Variants in CMIP observed in about 807,000 individuals in gnomAD.
CMIP encodes C-Maf-inducing protein.
In CMIP, 13 loss-of-function variants were observed where a neutral mutation model predicts 97.3. The observed-to-expected ratio is 0.13, with a 90% confidence interval of 0.09 to 0.21. The LOEUF is 0.21. Among genes scored for constraint, CMIP ranks in the 10% least tolerant of loss-of-function variants. The probability of loss-of-function intolerance (pLI) is 1.00; values close to 1 mark genes in which losing one functional copy is unlikely to be tolerated. For missense variants in CMIP, 847 were observed against 1,024.9 expected, an observed-to-expected ratio of 0.83 and a Z score of 2.37; for synonymous variants, 538 against 436.3, an observed-to-expected ratio of 1.23 and a Z score of -2.91.
intron 3 of CMIP, chr16:81,651,502 T>C (rs1261691802): frequency 2.5e-6 from 1 of 393,196 alleles, no homozygotes; most frequent in African/African-American, 2.2e-5. Flanking sequence ...GCATTCCAGG[T>C]TTAGTCCCTA....
intron 1 of CMIP, among the ~76,000 whole-genome samples, chr16:81,601,042 G>A (rs188432017): frequency 6.1e-4 from 93 of 152,280 alleles, no homozygotes; most frequent in African/African-American, 2.1e-3. Flanking sequence ...AATTCAAGCC[G>A]CTTCCACGTA....
At chr16:81,593,066 T>C (rs2091490530) in intron 1 of CMIP, among the ~76,000 whole-genome samples, 1 of 152,160 alleles carries the variant, frequency 6.6e-6, no homozygotes, top group Non-Finnish European at 1.5e-5. Context: ...TGTGGAAATA[T>C]CAGTCGTTTG....
At chr16:81,538,185 G>C (rs1278265107) in intron 1 of CMIP, among the ~76,000 whole-genome samples, 2 of 152,186 alleles carry the variant, frequency 1.3e-5, no homozygotes, top group Admixed American at 1.3e-4. Flanking sequence ...TAGGGAAGTG[G>C]TAGGGAGTCA....
intron 1 of CMIP, among the ~76,000 whole-genome samples, chr16:81,588,484 T>C (rs189517899): frequency 2.3e-4 from 35 of 152,336 alleles, no homozygotes; most frequent in African/African-American, 7.7e-4. Context: ...GGCAGGGTGC[T>C]GTACCTTGGG....
chr16:81,474,975 T>A (rs1025710844), intron 1 of CMIP, among the ~76,000 whole-genome samples: 2 of 152,222 alleles, frequency 1.3e-5, no homozygotes, highest in Non-Finnish European at 1.5e-5. Context: ...GTTTGGGATG[T>A]CACTTCACTT....
intron 1 of CMIP, among the ~76,000 whole-genome samples, chr16:81,531,420 C>A (rs536997119): frequency 5.3e-5 from 8 of 152,352 alleles, no homozygotes; most frequent in African/African-American, 1.7e-4. Context: ...TGCTGATATG[C>A]AGGCCACCTG....
chr16:81,639,942 T>C (rs911160546), intron 3 of CMIP, among the ~76,000 whole-genome samples: 1 of 152,158 alleles, frequency 6.6e-6, no homozygotes, highest in Non-Finnish European at 1.5e-5. Context: ...CCGGGGATGT[T>C]AGCTGGTGTG....
chr16:81,470,758 A>T (rs531340413), intron 1 of CMIP, among the ~76,000 whole-genome samples: 1 of 152,388 alleles, frequency 6.6e-6, no homozygotes, highest in Admixed American at 6.5e-5. Flanking sequence ...GTGCCCAGCC[A>T]AAATTGGGAT....
chr16:81,672,125 C>T, intron 9 of CMIP, 55 bp downstream of exon 9: 2 of 1,075,582 alleles, frequency 1.9e-6, no homozygotes, highest in Admixed American at 4.0e-5. Context: ...AACTGCCACC[C>T]CCATCATGGG....
chr16:81,527,235 G>A (rs1180527150), intron 1 of CMIP, among the ~76,000 whole-genome samples: 1 of 152,198 alleles, frequency 6.6e-6, no homozygotes, highest in African/African-American at 2.4e-5. Flanking sequence ...TGGCTTGGCC[G>A]GGAGCCCACG....
intron 1 of CMIP, among the ~76,000 whole-genome samples, chr16:81,456,076 G>T (rs1029777444): frequency 3.9e-5 from 6 of 152,198 alleles, no homozygotes; most frequent in Non-Finnish European, 8.8e-5. Flanking sequence ...GCCCTGGTTG[G>T]TTCATGTTTC....
chr16:81,664,444 A>C, intron 7 of CMIP, 95 bp downstream of exon 7: 1 of 1,256,166 alleles, frequency 8.0e-7, no homozygotes, highest in Non-Finnish European at 1.1e-6. Flanking sequence ...GATTTGGGGA[A>C]TGTGGTTGGC....
chr16:81,682,790 T>G (rs1905004965), intron 10 of CMIP, among the ~76,000 whole-genome samples: 1 of 152,214 alleles, frequency 6.6e-6, no homozygotes, highest in Non-Finnish European at 1.5e-5. Context: ...GGAAGGCCCC[T>G]GCATCATTAG....
chr16:81,575,397 C>T (rs1044993583), intron 1 of CMIP, among the ~76,000 whole-genome samples: 3 of 152,182 alleles, frequency 2.0e-5, no homozygotes, highest in East Asian at 1.9e-4. Context: ...CTGTCACTGG[C>T]CCTCCTTTTC....
chr16:81,679,958 G>A lies in CMIP; in HGVS notation c.1388+1330G>A, dbSNP rs185240863. Among the ~76,000 whole-genome samples, 13 of 152,238 alleles carry A rather than the reference G, an allele frequency of 8.5e-5. No individual in the cohort carries two copies. In the East Asian group the frequency reaches 9.7e-4, roughly 11 times the overall value. On this transcript the variant is annotated intron_variant, in intron 10 of 20. Transcript: ENST00000537098. ...CTCAGCAGACACCTCCCCCTTTCTC[G>A]CTCCACAAACTCCTTCCTTCGGAAC...
At chr16:81,539,655 C>G (rs1247876289) in intron 1 of CMIP, among the ~76,000 whole-genome samples, 1 of 152,204 alleles carries the variant, frequency 6.6e-6, no homozygotes, top group African/African-American at 2.4e-5. Flanking sequence ...GTTTCCTTTT[C>G]TCAGCTGGAG....
At chr16:81,480,124 T>A (rs1467522272) in intron 1 of CMIP, among the ~76,000 whole-genome samples, 2 of 152,064 alleles carry the variant, frequency 1.3e-5, no homozygotes, top group Admixed American at 6.5e-5. Context: ...TGAGAGTGAG[T>A]GGTAGGCAGT....
intron 1 of CMIP, among the ~76,000 whole-genome samples, chr16:81,530,034 C>T (rs556221447): frequency 1.3e-5 from 2 of 152,174 alleles, no homozygotes; most frequent in South Asian, 2.1e-4. Context: ...GGGTTTTTGG[C>T]TGGGGACAGT....
At chr16:81,526,515 G>A (rs747756062) in intron 1 of CMIP, among the ~76,000 whole-genome samples, 28 of 152,212 alleles carry the variant, frequency 1.8e-4, no homozygotes, top group Middle Eastern at 3.2e-3. Flanking sequence ...CCACAGCTAG[G>A]TCTTGTTATA....
Sources: allele counts gnomAD v4.1 joint callset (sites outside exome capture counted in the v4.1 genomes callset), GRCh38; gene constraint gnomAD v4.1.1; transcripts MANE v1.5; gene names NCBI Gene and HGNC (gene_info 2026-07-23, HGNC 2026-07-21).